Variants in STAC observed in about 807,000 individuals in gnomAD.
STAC encodes the protein SH3 and cysteine-rich domain-containing protein.
In STAC, 43 loss-of-function variants were observed where a neutral mutation model predicts 48.8. That is an observed-to-expected ratio of 0.88 (90% confidence interval 0.69 to 1.14). STAC has a LOEUF of 1.14. STAC is among the 50% of genes most tolerant of loss of function. The pLI is 0.00. For missense variants in STAC, 497 were observed against 504.0 expected (o/e 0.99, Z 0.13); for synonymous variants, 193 against 179.5 (o/e 1.07, Z -0.60).
chr3:36,441,247 TC>T (rs1696339224), intron 1 of STAC, among the ~76,000 whole-genome samples: 1 of 152,196 alleles, frequency 6.6e-6, no homozygotes, highest in Non-Finnish European at 1.5e-5. Context: ...TCCTCCCTTC[TC>T]CCTGTGCTTG....
At chr3:36,478,800 T>C (rs528966864) in intron 2 of STAC, among the ~76,000 whole-genome samples, 1 of 152,312 alleles carries the variant, frequency 6.6e-6, no homozygotes, top group African/African-American at 2.4e-5. Context: ...TTTTTGAATT[T>C]GTAGTAGAGA....
At chr3:36,413,393 T>C (rs989391232) in intron 1 of STAC, among the ~76,000 whole-genome samples, 6 of 152,252 alleles carry the variant, frequency 3.9e-5, no homozygotes, top group African/African-American at 1.4e-4. Flanking sequence ...GATAGTTAGC[T>C]CTTGCTGTTG....
At chr3:36,450,763 G>A (rs1387069522) in intron 2 of STAC, among the ~76,000 whole-genome samples, 1 of 152,154 alleles carries the variant, frequency 6.6e-6, no homozygotes, top group Non-Finnish European at 1.5e-5. Flanking sequence ...AAATTCGGGT[G>A]ATCCACCTAC....
At chr3:36,405,426 T>C (rs1401101981) in intron 1 of STAC, among the ~76,000 whole-genome samples, 1 of 152,168 alleles carries the variant, frequency 6.6e-6, no homozygotes, top group Non-Finnish European at 1.5e-5. Context: ...GACACACAGC[T>C]TCCTGCAGCC....
At chr3:36,438,888 C>T (rs1696233249) in intron 1 of STAC, among the ~76,000 whole-genome samples, 2 of 152,234 alleles carry the variant, frequency 1.3e-5, no homozygotes, top group African/African-American at 2.4e-5. Flanking sequence ...CAAGCAGTGA[C>T]ATTTGATGCT....
intron 6 of STAC, among the ~76,000 whole-genome samples, chr3:36,503,473 C>G (rs1698326076): frequency 6.6e-6 from 1 of 152,128 alleles, no homozygotes; most frequent in Admixed American, 6.5e-5. Flanking sequence ...CTCTATCACC[C>G]AGGCTGGAGT....
chr3:36,402,686 CT>C (rs1379726830), intron 1 of STAC, among the ~76,000 whole-genome samples: 2 of 152,108 alleles, frequency 1.3e-5, no homozygotes, highest in Admixed American at 1.3e-4. Context: ...CAGAAGGCAG[CT>C]CTATACAGGA....
intron 8 of STAC, among the ~76,000 whole-genome samples, chr3:36,518,999 G>A (rs1253445656): frequency 6.6e-6 from 1 of 152,156 alleles, no homozygotes; most frequent in East Asian, 1.9e-4. Context: ...GTAACTTACA[G>A]CAGCCTCAAA....
At chr3:36,426,471 G>A (rs896756001) in intron 1 of STAC, among the ~76,000 whole-genome samples, 15 of 152,344 alleles carry the variant, frequency 9.8e-5, no homozygotes, top group African/African-American at 2.6e-4. Flanking sequence ...AGCTTTAGCA[G>A]TATACTGCAG....
chr3:36,546,687 C>T lies in STAC; in HGVS notation c.*398C>T, dbSNP rs1699456384. 5.0e-6 allele frequency: 1 copy of T among 201,766 alleles called. No individual in the cohort carries two copies. Among genetic ancestry groups the T allele is most frequent in the African/African-American group, 2.3e-5 (1 of 44,132 alleles). 12.5% of individuals were successfully genotyped at this position (201,766 alleles called of 1,614,324 possible). ...CAGATCCATGTAGCTAAGTATTATC[C>T]TGCTTCCAGACCTATGTCACCAGTA... On this transcript the variant is annotated 3_prime_UTR_variant, in exon 11 of 11. Transcript: ENST00000273183.
At chr3:36,391,753 T>C (rs1382757598) in intron 1 of STAC, among the ~76,000 whole-genome samples, 1 of 152,198 alleles carries the variant, frequency 6.6e-6, no homozygotes, top group South Asian at 2.1e-4. Flanking sequence ...ACAAGATGTC[T>C]TGCAGCTCCC....
chr3:36,454,183 G>A (rs568071147), intron 2 of STAC, among the ~76,000 whole-genome samples: 2 of 152,136 alleles, frequency 1.3e-5, no homozygotes, highest in African/African-American at 4.8e-5. Context: ...TTGTTCTTTC[G>A]CTCTTTGCAA....
intron 1 of STAC, among the ~76,000 whole-genome samples, chr3:36,434,566 T>C (rs1700783255): frequency 6.6e-6 from 1 of 152,186 alleles, no homozygotes; most frequent in Admixed American, 6.5e-5. Context: ...CAACTGACTT[T>C]ATGGTTAAAT....
Position 36,547,480 on chromosome 3 carries a change from C to A in STAC, c.*1191C>A, listed in dbSNP as rs1415988724. 1.3e-5 allele frequency: 2 copies of A among 152,600 alleles called. No individual in the cohort carries two copies. Among genetic ancestry groups the A allele is most frequent in the Non-Finnish European group, 2.9e-5 (2 of 68,018 alleles). The allele number at this position is 152,600 out of a possible 1,614,324, so 9.5% of individuals were successfully genotyped here. A position where few individuals can be genotyped will look rare whatever the true frequency, so the allele number is the denominator to read the frequency against. ...ACTTATACTAATGTTTACAAGAATG[C>A]AATATACTGTGATGCCTTCCTACTC... On this transcript the variant is annotated 3_prime_UTR_variant, in exon 11 of 11. Coordinates refer to ENST00000273183, the MANE Select transcript of STAC (RefSeq NM_003149.3).
At chr3:36,507,212 T>C (rs1698425123) in intron 8 of STAC, among the ~76,000 whole-genome samples, 1 of 152,196 alleles carries the variant, frequency 6.6e-6, no homozygotes, top group South Asian at 2.1e-4. Flanking sequence ...GTTTATGTGA[T>C]GGATTATGTT....
chr3:36,458,909 T>G (rs562794158), intron 2 of STAC, among the ~76,000 whole-genome samples: 10 of 152,302 alleles, frequency 6.6e-5, no homozygotes, highest in African/African-American at 2.2e-4. Flanking sequence ...CAATTCTGAT[T>G]TAGTGGATCT....
At chr3:36,474,115 C>G (rs1284857082) in intron 2 of STAC, among the ~76,000 whole-genome samples, 2 of 152,260 alleles carry the variant, frequency 1.3e-5, no homozygotes, top group East Asian at 1.9e-4. Context: ...GCTGTAGAAC[C>G]TTATAGGAAT....
Position 36,483,073 on chromosome 3 carries a change from A to G in STAC, c.470A>G (p.Gln157Arg). 1 of 1,614,004 alleles carries G rather than the reference A, an allele frequency of 6.2e-7. No homozygotes were observed. Among genetic ancestry groups the G allele is most frequent in the Non-Finnish European group, 8.5e-7 (1 of 1,179,860 alleles). ...AAGTGCACAGATGGCCTGGCACCCCAGCGGTGCATGGGCAAGCTGGTAAGG... is the reference window on the plus strand; with the variant it reads ...AAGTGCACAGATGGCCTGGCACCCCGGCGGTGCATGGGCAAGCTGGTAAGG... ...HHKCTDGLAP[Q>R]RCMGKLPKGF... is the part of the protein sequence containing the mutation. The change falls in exon 3 of 11, where the codon CAG becomes CGG. Residue 157 changes from glutamine (Q) to arginine (R), a missense_variant. Gln to Arg is a conservative substitution (Grantham distance 43). Transcript: ENST00000273183.
intron 1 of STAC, chr3:36,409,720 A>G (rs1301420407): frequency 6.6e-6 from 1 of 152,244 alleles, no homozygotes; most frequent in African/African-American, 2.4e-5. Flanking sequence ...TAAATTATCA[A>G]GGTAATATAT....
Sources: gnomAD v4.1 joint callset for allele counts (sites outside exome capture counted in the v4.1 genomes callset) on GRCh38, gnomAD v4.1.1 for gene constraint, MANE v1.5 for transcripts, NCBI Gene and HGNC (gene_info 2026-07-23, HGNC 2026-07-21) for gene names.